ROBO1: variants seen among roughly 807,000 people sequenced by gnomAD.
The protein encoded by ROBO1 is roundabout guidance receptor 1.
ROBO1 carries 149 observed loss-of-function variants against 195.9 expected under a neutral mutation model. That is an observed-to-expected ratio of 0.76 (90% CI 0.67 to 0.87). The LOEUF is 0.87. Among genes scored for constraint, ROBO1 ranks in the 40% least tolerant of loss-of-function variants. ROBO1 has a pLI of 0.00. For synonymous variants in ROBO1, 816 were observed against 733.2 expected (o/e 1.11, Z -1.82); for missense variants, 1,933 against 2,068.3 (o/e 0.93, Z 1.27).
chr3:79,528,112 G>T (rs562732993), intron 2 of ROBO1, among the ~76,000 whole-genome samples: 1 of 151,942 alleles, frequency 6.6e-6, no homozygotes, highest in Non-Finnish European at 1.5e-5. Context: ...ATGAATACAC[G>T]TCCAATTACT....
intron 3 of ROBO1, among the ~76,000 whole-genome samples, chr3:79,013,047 C>G (rs1160810344): frequency 6.6e-6 from 1 of 151,952 alleles, no homozygotes; most frequent in Non-Finnish European, 1.5e-5. Context: ...AAGGCTCAAC[C>G]CTTCCATGAT....
intron 2 of ROBO1, among the ~76,000 whole-genome samples, chr3:79,292,835 T>C (rs913676713): frequency 6.6e-6 from 1 of 152,186 alleles, no homozygotes; most frequent in African/African-American, 2.4e-5. Flanking sequence ...GGCTGAAATT[T>C]CCTTTTTTTG....
chr3:79,124,478 G>A (rs2080178557), intron 3 of ROBO1, among the ~76,000 whole-genome samples: 4 of 152,076 alleles, frequency 2.6e-5, no homozygotes, highest in Admixed American at 2.6e-4. Context: ...AAAGTGAAAT[G>A]TGCCTATTGA....
chr3:78,927,869 C>T (rs1043815905), intron 4 of ROBO1, among the ~76,000 whole-genome samples: 2 of 152,118 alleles, frequency 1.3e-5, no homozygotes, highest in African/African-American at 4.8e-5. Context: ...CAGCATTTGC[C>T]TTTCTGAAAT....
At chr3:79,725,280 G>A (rs933144896) in intron 1 of ROBO1, among the ~76,000 whole-genome samples, 16 of 140,446 alleles carry the variant, frequency 1.1e-4, no homozygotes, top group Non-Finnish European at 2.1e-4. Context: ...AGGCTGGAGT[G>A]CAGTGGCGCG....
intron 8 of ROBO1, among the ~76,000 whole-genome samples, chr3:78,706,249 TG>T (rs1272927183): frequency 6.6e-6 from 1 of 151,934 alleles, no homozygotes; most frequent in African/African-American, 2.4e-5. Flanking sequence ...CAGGTGGAGC[TG>T]GGGCATTTTA....
intron 2 of ROBO1, among the ~76,000 whole-genome samples, chr3:79,336,695 T>C (rs899363043): frequency 6.6e-6 from 1 of 152,182 alleles, no homozygotes; most frequent in Middle Eastern, 3.2e-3. Context: ...CTAGTGGAGC[T>C]GTGAGAAGAG....
At chr3:79,177,212 G>T (rs2081273621) in intron 2 of ROBO1, among the ~76,000 whole-genome samples, 1 of 152,196 alleles carries the variant, frequency 6.6e-6, no homozygotes, top group Admixed American at 6.5e-5. Flanking sequence ...TTTCAAACCA[G>T]CAGAATAATA....
chr3:78,804,598 G>GA (rs1404715469), intron 4 of ROBO1, among the ~76,000 whole-genome samples: 1 of 151,742 alleles, frequency 6.6e-6, no homozygotes, highest in East Asian at 1.9e-4. Context: ...TTTTTACTCT[G>GA]AAAAAATAGT....
intron 4 of ROBO1, among the ~76,000 whole-genome samples, chr3:78,841,832 T>A (rs1246018886): frequency 1.3e-5 from 2 of 152,026 alleles, no homozygotes; most frequent in African/African-American, 4.8e-5. Flanking sequence ...TAAAACAAAC[T>A]ATTTTAAAAT....
intron 2 of ROBO1, among the ~76,000 whole-genome samples, chr3:79,268,537 C>T (rs2030205313): frequency 6.6e-6 from 1 of 151,614 alleles, no homozygotes. Context: ...CCCTTTTACA[C>T]ACCATGTTGG....
At chr3:78,969,996 T>G (rs759299100) in intron 3 of ROBO1, among the ~76,000 whole-genome samples, 17 of 152,298 alleles carry the variant, frequency 1.1e-4, no homozygotes, top group Admixed American at 5.9e-4. Flanking sequence ...ATAATCTTTT[T>G]GGATACATAG....
intron 3 of ROBO1, among the ~76,000 whole-genome samples, chr3:79,091,637 T>C (rs2079481409): frequency 6.6e-6 from 1 of 152,064 alleles, no homozygotes; most frequent in African/African-American, 2.4e-5. Flanking sequence ...ATAAGGACTA[T>C]GGAAAAAACA....
chr3:79,631,764 CA>C (rs1945349471), intron 1 of ROBO1, among the ~76,000 whole-genome samples: 1 of 151,890 alleles, frequency 6.6e-6, no homozygotes, highest in Non-Finnish European at 1.5e-5. Context: ...ACAAGGAACT[CA>C]AACAGTTCAA....
intron 25 of ROBO1, among the ~76,000 whole-genome samples, chr3:78,628,041 C>A (rs1395100460): frequency 6.6e-6 from 1 of 151,576 alleles, no homozygotes; most frequent in Non-Finnish European, 1.5e-5. Flanking sequence ...GCAACCTCCA[C>A]CTCCCAGGTT....
intron 1 of ROBO1, among the ~76,000 whole-genome samples, chr3:79,652,851 T>C (rs1334718160): frequency 6.6e-6 from 1 of 152,018 alleles, no homozygotes; most frequent in Non-Finnish European, 1.5e-5. Context: ...AATTAGAAAT[T>C]CTAAGAGTTT....
At chr3:79,707,912 T>A (rs1207200086) in intron 1 of ROBO1, among the ~76,000 whole-genome samples, 1 of 152,210 alleles carries the variant, frequency 6.6e-6, no homozygotes, top group Non-Finnish European at 1.5e-5. Flanking sequence ...AACTAATCTT[T>A]AAATTTCAAA....
intron 4 of ROBO1, among the ~76,000 whole-genome samples, chr3:78,766,740 T>C (rs561146282): frequency 1.4e-4 from 22 of 152,302 alleles, no homozygotes; most frequent in African/African-American, 5.1e-4. Context: ...TTCAGTATTA[T>C]GTTGGCTGTG....
At chr3:78,879,472 C>A (rs1279799823) in intron 4 of ROBO1, among the ~76,000 whole-genome samples, 2 of 151,692 alleles carry the variant, frequency 1.3e-5, no homozygotes, top group Non-Finnish European at 2.9e-5. Flanking sequence ...ACTGAAGTAG[C>A]ATTTTTTATC....
Sources: allele counts gnomAD v4.1 joint callset (sites outside exome capture counted in the v4.1 genomes callset), GRCh38; gene constraint gnomAD v4.1.1; transcripts MANE v1.5; gene names NCBI Gene and HGNC (gene_info 2026-07-23, HGNC 2026-07-21).